Variants in MALRD1 observed in about 807,000 individuals in gnomAD.
The protein encoded by MALRD1 is MAM and LDL receptor class A domain containing 1, also known as MAM and LDL-receptor class A domain-containing protein 1.
In MALRD1, 247 loss-of-function variants were observed where a neutral mutation model predicts 242.1. The observed-to-expected ratio is 1.02, with a 90% CI of 0.92 to 1.13. MALRD1 has a LOEUF of 1.13. MALRD1 is among the 50% of genes most tolerant of loss of function. The pLI is 0.00. For missense variants in MALRD1, 2,989 were observed against 2,533.1 expected, an observed-to-expected ratio of 1.18 and a Z score of -3.86; for synonymous variants, 995 against 866.6, an observed-to-expected ratio of 1.15 and a Z score of -2.60.
chr10:19,526,706 T>C (rs1409478198), intron 31 of MALRD1, among the ~76,000 whole-genome samples: 2 of 152,150 alleles, frequency 1.3e-5, no homozygotes, highest in Non-Finnish European at 2.9e-5. Flanking sequence ...AGCTTTGATA[T>C]TGGGCCTTAC....
intron 22 of MALRD1, 37 bp from the exon 23 acceptor site, chr10:19,327,526 A>G: frequency 1.3e-6 from 2 of 1,483,456 alleles, no homozygotes; most frequent in Non-Finnish European, 1.8e-6. Context: ...CTCAAGATAA[A>G]ATACTTCAGT....
intron 38 of MALRD1, chr10:19,716,878 G>A (rs192637125): frequency 6.6e-6 from 1 of 152,190 alleles, no homozygotes; most frequent in Admixed American, 6.5e-5. Context: ...GTCAGATGCT[G>A]ACCCATTTCA....
intron 35 of MALRD1, among the ~76,000 whole-genome samples, chr10:19,608,780 GAGTACTCA>G (rs949264212): frequency 6.6e-6 from 1 of 151,992 alleles, no homozygotes; most frequent in Non-Finnish European, 1.5e-5. Flanking sequence ...TGCTAGAAGT[GAGTACTCA>G]CAGACCACTG....
chr10:19,227,502 T>C (rs149187876), intron 18 of MALRD1, among the ~76,000 whole-genome samples: 181 of 152,142 alleles, frequency 1.2e-3, no homozygotes, highest in African/African-American at 3.9e-3. Context: ...AATGTAAATA[T>C]AAAAAGTATA....
At chr10:19,636,829 G>A (rs1445442371) in intron 36 of MALRD1, among the ~76,000 whole-genome samples, 1 of 150,682 alleles carries the variant, frequency 6.6e-6, no homozygotes, top group Admixed American at 6.6e-5. Context: ...AGCCTGGGAG[G>A]CAGAAGTTGC....
chr10:19,499,639 T>A (rs1345019786), intron 31 of MALRD1, among the ~76,000 whole-genome samples: 2 of 152,184 alleles, frequency 1.3e-5, no homozygotes, highest in Non-Finnish European at 2.9e-5. Flanking sequence ...ACACACATCC[T>A]GTTGATTCTG....
chr10:19,230,305 T>C (rs866377638), intron 18 of MALRD1, among the ~76,000 whole-genome samples: 3 of 152,140 alleles, frequency 2.0e-5, no homozygotes, highest in East Asian at 3.8e-4. Context: ...TACCTGAGGC[T>C]GGGTAATTTA....
At chr10:19,441,170 T>A (rs57032620) in intron 28 of MALRD1, among the ~76,000 whole-genome samples, 1 of 152,056 alleles carries the variant, frequency 6.6e-6, no homozygotes, top group Non-Finnish European at 1.5e-5. Flanking sequence ...TCATATCCTT[T>A]GCCCACTTTT....
chr10:19,224,634 C>T (rs1242898285), intron 18 of MALRD1, among the ~76,000 whole-genome samples: 1 of 152,128 alleles, frequency 6.6e-6, no homozygotes. Flanking sequence ...GCATAAATGT[C>T]TTCTTTTGAG....
Position 19,094,240 on chromosome 10 carries a change from C to T in MALRD1, c.597+6055C>T, listed in dbSNP as rs1370492623. On this transcript the variant is annotated intron_variant, in intron 4 of 39. Coordinates refer to ENST00000454679, the MANE Select transcript of MALRD1 (RefSeq NM_001142308.3). ...CTCAGACTGCTGTGCTAGCAATCAG[C>T]GAGATTCCGTGGGCATAGGACCCTC... Among the ~76,000 whole-genome samples the T allele has an allele frequency of 8.0e-5, 8 of 100,592 alleles. 3 individuals are homozygous for T. Among genetic ancestry groups the T allele is most frequent in the East Asian group, 2.9e-4 (1 of 3,430 alleles). 66.0% of individuals were successfully genotyped at this position (100,592 alleles called of 152,430 possible). A position where few individuals can be genotyped will look rare whatever the true frequency, so the allele number is the denominator to read the frequency against.
chr10:19,618,202 A>G (rs553472324), intron 36 of MALRD1, among the ~76,000 whole-genome samples: 4 of 152,142 alleles, frequency 2.6e-5, no homozygotes, highest in African/African-American at 9.6e-5. Context: ...CATGGTATAT[A>G]TGTACCACAT....
chr10:19,186,046 A>G (rs968601243), intron 14 of MALRD1, among the ~76,000 whole-genome samples: 2 of 152,026 alleles, frequency 1.3e-5, no homozygotes, highest in African/African-American at 4.8e-5. Context: ...GTTCTATCTT[A>G]TGTTCTTTTT....
At chr10:19,586,416 C>G (rs962761407) in intron 33 of MALRD1, among the ~76,000 whole-genome samples, 14 of 151,998 alleles carry the variant, frequency 9.2e-5, no homozygotes, top group Non-Finnish European at 1.5e-4. Context: ...TGTGGATGTC[C>G]TTTCTGTTTG....
intron 1 of MALRD1, among the ~76,000 whole-genome samples, chr10:19,054,433 A>G (rs1176743295): frequency 2.0e-5 from 3 of 152,002 alleles, no homozygotes; most frequent in Admixed American, 6.6e-5. Flanking sequence ...ATTGAAATTT[A>G]CTCTTAGTTA....
intron 1 of MALRD1, among the ~76,000 whole-genome samples, chr10:19,056,826 A>T (rs1398616273): frequency 6.6e-6 from 1 of 152,284 alleles, no homozygotes; most frequent in South Asian, 2.1e-4. Context: ...CCTGTTGGTC[A>T]TATGGCTTTT....
intron 36 of MALRD1, among the ~76,000 whole-genome samples, chr10:19,677,849 G>C (rs1308120094): frequency 6.6e-6 from 1 of 152,100 alleles, no homozygotes; most frequent in African/African-American, 2.4e-5. Context: ...TTTATGTAAT[G>C]TGTATAAAAG....
Position 19,204,297 on chromosome 10 carries a change from T to A in MALRD1, c.2105-11T>A, listed in dbSNP as rs970951981. On this transcript the variant is annotated splice_polypyrimidine_tract_variant and intron_variant, in intron 15 of 39. Coordinates refer to ENST00000454679, the MANE Select transcript of MALRD1 (RefSeq NM_001142308.3). ...TAATGAAGCGTTTTTTTTTTTTTTT[T>A]ATCTCAACAGGGCATTTTATGTTCA... The A allele has an allele frequency of 1.8e-5, 27 of 1,487,486 alleles. No homozygotes were observed. In the African/African-American group the frequency reaches 1.9e-4, roughly 10 times the overall value. 92.1% of individuals were successfully genotyped at this position (1,487,486 alleles called of 1,614,324 possible).
At chr10:19,531,459 G>A in intron 32 of MALRD1, 108 bp downstream of exon 32, 1 of 1,054,496 alleles carries the variant, frequency 9.5e-7, no homozygotes, top group South Asian at 2.3e-5. Context: ...CGCCAGTGCT[G>A]ATGCCATTAA....
At chr10:19,375,281 T>C (rs538180152) in intron 26 of MALRD1, among the ~76,000 whole-genome samples, 1 of 152,210 alleles carries the variant, frequency 6.6e-6, no homozygotes, top group Non-Finnish European at 1.5e-5. Flanking sequence ...TCTCAATACA[T>C]GCCAAGGTGA....
Sources: gnomAD v4.1 joint callset for allele counts (sites outside exome capture counted in the v4.1 genomes callset) on GRCh38, gnomAD v4.1.1 for gene constraint, MANE v1.5 for transcripts, NCBI Gene and HGNC (gene_info 2026-07-23, HGNC 2026-07-21) for gene names.